Variants in FGFR2 observed in about 807,000 individuals in gnomAD.
FGFR2 encodes fibroblast growth factor receptor 2.
FGFR2 carries 19 observed loss-of-function variants against 95.9 expected under a neutral mutation model. The ratio of observed to expected loss-of-function variants is 0.20; its 90% CI spans 0.14 to 0.29. The LOEUF (loss-of-function observed/expected upper bound fraction) is 0.29, where lower values mean the gene tolerates loss of function less well. Among genes scored for constraint, FGFR2 ranks in the 10% least tolerant of loss-of-function variants. The probability of loss-of-function intolerance (pLI) is 1.00; values close to 1 mark genes in which losing one functional copy is unlikely to be tolerated. For synonymous variants in FGFR2, 392 were observed against 393.3 expected (o/e 1.00, Z 0.04); for missense variants, 707 against 1,056.9 (o/e 0.67, Z 4.59).
At chr10:121,510,719 C>CA (rs1459699227) in intron 9 of FGFR2, among the ~76,000 whole-genome samples, 2 of 152,108 alleles carry the variant, frequency 1.3e-5, no homozygotes, top group African/African-American at 2.4e-5. Context: ...CTAACGTCCC[C>CA]AGGAATATGC....
chr10:121,559,424 G>A (rs988494274), intron 4 of FGFR2, among the ~76,000 whole-genome samples: 2 of 152,174 alleles, frequency 1.3e-5, no homozygotes, highest in Non-Finnish European at 2.9e-5. Flanking sequence ...TACCCCGGCC[G>A]TGGCATTCCT....
At position 121,513,770 on chromosome 10, in the gene FGFR2, C is replaced by T. The variant is rs531257806; in HGVS notation, c.1287+1347G>A. On this transcript the variant is annotated intron_variant, in intron 9 of 17. Transcript: ENST00000358487. ...GCTGTTAACACAATTTGGTCATTCG[C>T]CTACGCTTGACACACACTTTAAATT... 7.9e-5 allele frequency among the ~76,000 whole-genome samples: 12 copies of T among 152,224 alleles called. No individual in the cohort carries two copies. The South Asian group carries it at 1.5e-3, about 18-fold the overall frequency.
intron 5 of FGFR2, among the ~76,000 whole-genome samples, chr10:121,544,327 T>A (rs1854190168): frequency 6.6e-6 from 1 of 151,284 alleles, no homozygotes; most frequent in African/African-American, 2.4e-5. Flanking sequence ...GCACCTGTAA[T>A]CCCATACTCA....
At chr10:121,545,538 C>T (rs900999192) in intron 5 of FGFR2, among the ~76,000 whole-genome samples, 34 of 152,112 alleles carry the variant, frequency 2.2e-4, no homozygotes, top group Admixed American at 6.5e-4. Flanking sequence ...AGTCCATAAA[C>T]GTTGGCTAAT....
chr10:121,502,870 G>C (rs1589776063), intron 10 of FGFR2, among the ~76,000 whole-genome samples: 2 of 152,240 alleles, frequency 1.3e-5, no homozygotes, highest in East Asian at 3.9e-4. Flanking sequence ...GGATCTAGGG[G>C]TCGGTCCCTG....
intron 15 of FGFR2, among the ~76,000 whole-genome samples, chr10:121,486,218 G>T (rs184538307): frequency 1.3e-5 from 2 of 152,262 alleles, no homozygotes; most frequent in East Asian, 3.9e-4. Flanking sequence ...GGTCGTTCTG[G>T]AAACTCAACC....
At chr10:121,545,540 T>C (rs1204773731) in intron 5 of FGFR2, among the ~76,000 whole-genome samples, 1 of 152,190 alleles carries the variant, frequency 6.6e-6, no homozygotes, top group African/African-American at 2.4e-5. Context: ...TCCATAAACG[T>C]TGGCTAATAC....
At chr10:121,494,969 C>T (rs1323945904) in intron 13 of FGFR2, among the ~76,000 whole-genome samples, 1 of 152,172 alleles carries the variant, frequency 6.6e-6, no homozygotes, top group East Asian at 1.9e-4. Context: ...AGGATCCAGT[C>T]CAGGATCCCA....
intron 4 of FGFR2, among the ~76,000 whole-genome samples, chr10:121,557,513 C>A (rs899805094): frequency 3.9e-5 from 6 of 152,028 alleles, no homozygotes; most frequent in African/African-American, 1.4e-4. Context: ...TTGCTATGCT[C>A]CCGAGGCTAG....
At position 121,593,882 on chromosome 10, in the gene FGFR2, C is replaced by A. The variant is rs1275659893; in HGVS notation, c.-65G>T. 24 of 1,471,020 alleles carry A rather than the reference C, an allele frequency of 1.6e-5. No homozygotes were observed. Among genetic ancestry groups the A allele is most frequent in the Non-Finnish European group, 2.3e-5 (24 of 1,049,908 alleles). The allele number at this position is 1,471,020 out of a possible 1,614,324, so 91.1% of individuals were successfully genotyped here. On this transcript the variant is annotated 5_prime_UTR_variant, in exon 2 of 18. Coordinates refer to ENST00000358487, the MANE Select transcript of FGFR2 (RefSeq NM_000141.5). ...TGTGGACGTTAATCCCATCTGCACA[C>A]TTCCTCTACGGGCATGGACTACGCG...
Position 121,565,986 on chromosome 10 carries a change from A to G in FGFR2, c.110-282T>C, listed in dbSNP as rs1473020870. Reference sequence around the variant, plus strand: ...CCATAGCATGGAAGAATATTCCACAAGAAAATGTTTAAATTGATTGCCAAA... The same window carrying G: ...CCATAGCATGGAAGAATATTCCACAGGAAAATGTTTAAATTGATTGCCAAA... On this transcript the variant is annotated intron_variant, in intron 2 of 17. Transcript: ENST00000358487. 3 of 531,188 alleles carry G rather than the reference A, an allele frequency of 5.6e-6. No individual in the cohort carries two copies. In the African/African-American group the frequency reaches 5.7e-5, roughly 10 times the overall value. The allele number at this position is 531,188 out of a possible 1,614,324, so 32.9% of individuals were successfully genotyped here. A position where few individuals can be genotyped will look rare whatever the true frequency, so the allele number is the denominator to read the frequency against.
rs1242459101 is a variant in FGFR2 at position 121,554,528 on chromosome 10, T to G, written c.455-3069A>C. Among the ~76,000 whole-genome samples the G allele has an allele frequency of 2.7e-5, 4 of 148,206 alleles. No individual in the cohort carries two copies. In the East Asian group the frequency reaches 7.9e-4, roughly 29 times the overall value. The stretch of plus-strand genomic sequence containing the variant: ...TAATTTTTTTTTTTTTTTTTTTGTA[T>G]TTTTAGTAGAGACAGGGTTTCACCG... On this transcript the variant is annotated intron_variant, in intron 4 of 17. Coordinates refer to ENST00000358487, the MANE Select transcript of FGFR2 (RefSeq NM_000141.5).
At chr10:121,591,709 G>A (rs1252424650) in intron 2 of FGFR2, among the ~76,000 whole-genome samples, 3 of 152,040 alleles carry the variant, frequency 2.0e-5, no homozygotes, top group Non-Finnish European at 4.4e-5. Context: ...TGAACTCATA[G>A]CTCATGGAAA....
intron 10 of FGFR2, among the ~76,000 whole-genome samples, chr10:121,502,256 G>A (rs1025015397): frequency 6.6e-6 from 1 of 152,164 alleles, no homozygotes; most frequent in Non-Finnish European, 1.5e-5. Flanking sequence ...TAGGGCTGGC[G>A]GAGTTCACAA....
intron 8 of FGFR2, 111 bp from the exon 9 acceptor site, chr10:121,515,430 A>G: frequency 1.8e-6 from 2 of 1,096,554 alleles, no homozygotes; most frequent in African/African-American, 3.1e-5. Flanking sequence ...GACCATTCTC[A>G]AGGCAAGGTG....
At chr10:121,536,084 G>T (rs11199995) in intron 6 of FGFR2, among the ~76,000 whole-genome samples, 14,794 of 152,258 alleles carry the variant, frequency 0.097, 2,364 homozygotes, top group African/African-American at 0.33. Context: ...ACACAGCAGT[G>T]TATCACATTT....
intron 4 of FGFR2, among the ~76,000 whole-genome samples, chr10:121,563,904 A>T (rs1041225558): frequency 6.6e-6 from 1 of 152,208 alleles, no homozygotes; most frequent in Non-Finnish European, 1.5e-5. Context: ...AGTAAGGCAC[A>T]CGTCCTTCAT....
chr10:121,503,760 T>C lies in FGFR2; in HGVS notation c.1439+30A>G, dbSNP rs774702468. On this transcript the variant is annotated intron_variant, in intron 10 of 17. Coordinates refer to ENST00000358487, the MANE Select transcript of FGFR2 (RefSeq NM_000141.5). The stretch of plus-strand genomic sequence containing the variant: ...ATCCCCATTTATAGCTGAGTCTCCA[T>C]CCTGGGACATGGCCAAGAGAAGTAC... 4 of 1,613,712 alleles carry C rather than the reference T, an allele frequency of 2.5e-6. No homozygotes were observed. In the South Asian group the frequency reaches 3.3e-5, roughly 13 times the overall value.
At chr10:121,519,826 T>TAATG (rs1564918043) in intron 7 of FGFR2, 153 bp downstream of exon 7, 8 of 685,394 alleles carry the variant, frequency 1.2e-5, no homozygotes, top group South Asian at 1.9e-5. Context: ...CTAGCAAGTG[T>TAATG]AATGATCTGT....
Sources: gnomAD v4.1 joint callset for allele counts (sites outside exome capture counted in the v4.1 genomes callset) on GRCh38, gnomAD v4.1.1 for gene constraint, MANE v1.5 for transcripts, NCBI Gene and HGNC (gene_info 2026-07-23, HGNC 2026-07-21) for gene names.